Variants in MYLK3 observed in about 807,000 individuals in gnomAD.
The protein encoded by MYLK3 is MLC kinase.
In MYLK3, 55 loss-of-function variants were observed where a neutral mutation model predicts 76.3. The observed-to-expected ratio is 0.72, with a 90% CI of 0.58 to 0.90. MYLK3 has a LOEUF of 0.90. Ranked by LOEUF, MYLK3 falls within the 40% of genes least tolerant of loss-of-function variation. The probability of loss-of-function intolerance (pLI) is 0.00; values close to 1 mark genes in which losing one functional copy is unlikely to be tolerated. For synonymous variants in MYLK3, 416 were observed against 425.4 expected (o/e 0.98, Z 0.27); for missense variants, 973 against 1,053.6 (o/e 0.92, Z 1.06).
rs1967061457 is a variant in MYLK3 at position 46,748,060 on chromosome 16, T to A, written c.134A>T (p.Asp45Val). 6.2e-7 allele frequency: 1 copy of A among 1,614,132 alleles called. No homozygotes were observed. The highest frequency in any genetic ancestry group is 1.7e-5 in the Admixed American group (1 of 60,030). Residue 45 changes from aspartate to valine, a missense_variant, in exon 1 of 13, where the codon GAT becomes GTT. Coordinates refer to ENST00000394809, the MANE Select transcript of MYLK3 (RefSeq NM_182493.3). This position sits in a 1 kb window ranked among gnomAD's most constrained non-coding sequence, Gnocchi z 4.3. The stretch of plus-strand genomic sequence containing the variant: ...CATGCTCTGCAACTTCTCTGTGACA[T>A]CTTCTTGGAAGTGCAGGAGCTGGTC... ...KVDQLLHFQE[D>V]VTEKLQSMCR...
At chr16:46,734,809 C>T (rs893009805) in intron 3 of MYLK3, among the ~76,000 whole-genome samples, 12 of 152,210 alleles carry the variant, frequency 7.9e-5, no homozygotes, top group African/African-American at 1.2e-4. Flanking sequence ...CTCACAACAA[C>T]GTGAATATAC....
At chr16:46,732,152 G>A (rs752140525) in intron 4 of MYLK3, 56 bp downstream of exon 4, 2 of 1,425,468 alleles carry the variant, frequency 1.4e-6, no homozygotes, top group Non-Finnish European at 1.9e-6. Context: ...AGGAGTAGGG[G>A]CTCCAAACTC....
At chr16:46,719,702 G>A (rs1966780260) in intron 9 of MYLK3, among the ~76,000 whole-genome samples, 2 of 152,184 alleles carry the variant, frequency 1.3e-5, no homozygotes, top group South Asian at 4.1e-4. Flanking sequence ...GACATGCTGG[G>A]CTATGCGATG....
At chr16:46,739,848 G>C (rs948273561) in intron 2 of MYLK3, among the ~76,000 whole-genome samples, 50 of 152,238 alleles carry the variant, frequency 3.3e-4, no homozygotes, top group Non-Finnish European at 1.8e-4. Context: ...AGGTGTTCAA[G>C]GGTCAACTGT....
At chr16:46,712,548 C>T in intron 10 of MYLK3, 100 bp downstream of exon 10, 2 of 1,209,184 alleles carry the variant, frequency 1.7e-6, no homozygotes, top group Non-Finnish European at 2.2e-6. Flanking sequence ...GGTTACCTCC[C>T]AAATAGACTA....
intron 8 of MYLK3, among the ~76,000 whole-genome samples, chr16:46,725,390 A>G (rs1211316821): frequency 6.6e-6 from 1 of 152,222 alleles, no homozygotes; most frequent in Non-Finnish European, 1.5e-5. Context: ...GTCTCCTACT[A>G]CAAACTATAG....
At position 46,729,697 on chromosome 16, in the gene MYLK3, CAT is replaced by C; in HGVS notation, c.1569-12_1569-11del. 4 of 1,612,602 alleles carry C rather than the reference CAT, an allele frequency of 2.5e-6. No individual in the cohort carries two copies. The highest frequency in any genetic ancestry group is 3.4e-6 in the Non-Finnish European group (4 of 1,178,886). ...CTGGCCAAACCGACCCCTGCAGAGACATAGCCACACGGCAGGCTGAGAGCCCA... is the reference window on the plus strand; with the variant it reads ...CTGGCCAAACCGACCCCTGCAGAGACAGCCACACGGCAGGCTGAGAGCCCA... On this transcript the variant is annotated splice_polypyrimidine_tract_variant and intron_variant, in intron 5 of 12. Transcript: ENST00000394809.
intron 1 of MYLK3, among the ~76,000 whole-genome samples, chr16:46,746,497 C>T (rs999627792): frequency 3.3e-5 from 5 of 152,110 alleles, no homozygotes; most frequent in Admixed American, 6.6e-5. Context: ...CATAGCTCAC[C>T]GAAGCCTCCA....
Position 46,727,268 on chromosome 16 carries a change from G to A in MYLK3, c.1882C>T (p.His628Tyr), listed in dbSNP as rs1208612242. 6.2e-7 allele frequency: 1 copy of A among 1,614,114 alleles called. No individual in the cohort carries two copies. Among genetic ancestry groups the A allele is most frequent in the Non-Finnish European group, 8.5e-7 (1 of 1,179,944 alleles). ...TCCAGGTGCAGGATGTAGTGCTGGT[G>A]CAGGTAATGCACACCCTCACAGATC... ...RQICEGVHYLHQHYILHLDLK... is the reference protein window; with the variant it reads ...RQICEGVHYLYQHYILHLDLK... The change falls in exon 8 of 13, where the codon CAC (histidine) becomes TAC (tyrosine). Residue 628 changes from histidine to tyrosine, a missense_variant. This residue lies in a region of MYLK3 where 332 missense variants were observed against 416.6 expected (regional missense o/e 0.80). Transcript: ENST00000394809.
intron 8 of MYLK3, among the ~76,000 whole-genome samples, chr16:46,722,873 C>G (rs990155480): frequency 6.6e-6 from 1 of 152,136 alleles, no homozygotes; most frequent in Admixed American, 6.5e-5. Context: ...CCACACCCAG[C>G]AAATTTGTTT....
In MYLK3 at chr16:46,709,682, A is replaced by C; in HGVS notation, c.2268-11T>G. 6.2e-7 allele frequency: 1 copy of C among 1,608,680 alleles called. No homozygotes were observed. On this transcript the variant is annotated splice_polypyrimidine_tract_variant and intron_variant, in intron 11 of 12. Coordinates refer to ENST00000394809, the MANE Select transcript of MYLK3 (RefSeq NM_182493.3). ...GCACTCATTCTGCAGCTGTGAAATC[A>C]AAGAGCAGTTAAGACTTTTAGTTGG...
At chr16:46,729,288 C>T (rs1453138976) in intron 6 of MYLK3, among the ~76,000 whole-genome samples, 155 bp from the exon 7 acceptor site, 1 of 152,168 alleles carries the variant, frequency 6.6e-6, no homozygotes, top group Non-Finnish European at 1.5e-5. Context: ...CCAGATTCTA[C>T]AACACAAAGG....
At chr16:46,755,930 T>A (rs1260337622) in intron 1 of MYLK3, among the ~76,000 whole-genome samples, 9 of 118,142 alleles carry the variant, frequency 7.6e-5, no homozygotes, top group Admixed American at 4.5e-4. Context: ...TTTTTTGAGA[T>A]GGAGTCTTGC....
chr16:46,716,542 T>A (rs1966742746), intron 9 of MYLK3, among the ~76,000 whole-genome samples: 1 of 151,440 alleles, frequency 6.6e-6, no homozygotes, highest in South Asian at 2.1e-4. Flanking sequence ...TGTATGTTTA[T>A]TCCTGGCTTC....
intron 1 of MYLK3, chr16:46,757,648 A>T (rs1282215305): frequency 5.1e-6 from 5 of 971,922 alleles, no homozygotes; most frequent in Non-Finnish European, 6.1e-6. Flanking sequence ...AGGAGCGATA[A>T]GCCTGGCATT....
Position 46,705,912 on chromosome 16 carries a change from A to G in MYLK3, c.*1792T>C, listed in dbSNP as rs572404249. On this transcript the variant is annotated 3_prime_UTR_variant, in exon 13 of 13. Coordinates refer to ENST00000394809, the MANE Select transcript of MYLK3 (RefSeq NM_182493.3). ...CCTGAGCCCAGGAGGCGGAGGCTAC[A>G]GTGAGCCAAGATCACACCACTGCAC... The G allele has an allele frequency of 6.6e-6, 1 of 152,324 alleles. No individual in the cohort carries two copies. Among genetic ancestry groups the G allele is most frequent in the Non-Finnish European group, 1.5e-5 (1 of 68,208 alleles). The allele number at this position is 152,324 out of a possible 1,614,324, so 9.4% of individuals were successfully genotyped here.
chr16:46,735,884 C>T (rs183913457), intron 3 of MYLK3, among the ~76,000 whole-genome samples: 16 of 152,368 alleles, frequency 1.1e-4, no homozygotes, highest in Non-Finnish European at 2.4e-4. Flanking sequence ...ACAAGCAGCT[C>T]CTGCCACCTT....
intron 7 of MYLK3, among the ~76,000 whole-genome samples, chr16:46,728,430 C>T (rs757854875): frequency 6.6e-5 from 10 of 152,178 alleles, no homozygotes; most frequent in Non-Finnish European, 1.0e-4. Context: ...TCCCACATTA[C>T]TAAAAATAGG....
intron 1 of MYLK3, among the ~76,000 whole-genome samples, chr16:46,758,474 C>A (rs1221069826): frequency 6.6e-6 from 1 of 152,132 alleles, no homozygotes; most frequent in Non-Finnish European, 1.5e-5. Context: ...ACACTGCAGC[C>A]CTGTGGGGTG....
Sources: allele counts gnomAD v4.1 joint callset (sites outside exome capture counted in the v4.1 genomes callset), GRCh38; gene constraint gnomAD v4.1.1; regional missense constraint gnomAD v4.1.1; non-coding constraint Gnocchi (gnomAD v3.1); transcripts MANE v1.5; gene names NCBI Gene and HGNC (gene_info 2026-07-23, HGNC 2026-07-21).